Variants in ALG5 observed in about 807,000 individuals in gnomAD.
ALG5 encodes dolichyl-phosphate beta-glucosyltransferase.
In ALG5, 26 loss-of-function variants were observed where a neutral mutation model predicts 51.8. That is an observed-to-expected ratio of 0.50 (90% confidence interval 0.37 to 0.70). The LOEUF (loss-of-function observed/expected upper bound fraction) is 0.70. ALG5 is among the 30% of genes least tolerant of loss of function. The pLI is 0.00. For synonymous variants in ALG5, 141 were observed against 136.1 expected, an observed-to-expected ratio of 1.04 and a Z score of -0.25; for missense variants, 311 against 399.3, an observed-to-expected ratio of 0.78 and a Z score of 1.88.
rs569098965 is a variant in ALG5, at chr13:36,959,607, C to A, written c.773+5968G>T. 5.3e-5 allele frequency among the ~76,000 whole-genome samples: 8 copies of A among 152,050 alleles called. 1 individual carries two copies. The East Asian group carries it at 1.4e-3, about 26-fold the overall frequency. ...TCCAAAAGGGGGTGGAAACAACATG[C>A]GAAGAGTCAAGATTCAGAATTGGAC... On this transcript the variant is annotated intron_variant, in intron 8 of 9. Transcript: ENST00000239891.
At chr13:36,951,690 A>G (rs1461695917) in intron 9 of ALG5, among the ~76,000 whole-genome samples, 1 of 152,248 alleles carries the variant, frequency 6.6e-6, no homozygotes, top group Non-Finnish European at 1.5e-5. Context: ...ATTTCAAGTT[A>G]TTATAGAGTT....
Position 36,969,101 on chromosome 13 carries a change from C to T in ALG5, c.621+2876G>A, listed in dbSNP as rs115121955. On this transcript the variant is annotated intron_variant, in intron 7 of 9. Coordinates refer to ENST00000239891, the MANE Select transcript of ALG5 (RefSeq NM_013338.5). ...ATGAATTATAAATATGTGGTTCCTG[C>T]GATTGATCCCTTGATACCTGGCTAA... Among the ~76,000 whole-genome samples, 971 of 152,202 alleles carry T rather than the reference C, an allele frequency of 6.4e-3. 11 individuals carry two copies. The highest frequency in any genetic ancestry group is 0.022 in the African/African-American group (899 of 41,512).
rs1372098228 is a variant in ALG5 at position 36,995,412 on chromosome 13, A to C, written c.238+13T>G. 1 of 1,590,262 alleles carries C rather than the reference A, an allele frequency of 6.3e-7. No homozygotes were observed. Among genetic ancestry groups the C allele is most frequent in the East Asian group, 2.2e-5 (1 of 44,740 alleles). ...AAACTACCCTTTACCAAAAAAATCA[A>C]AACAGGGCTTACACCGTTTTTCTTC... On this transcript the variant is annotated intron_variant, in intron 2 of 9. Coordinates refer to ENST00000239891, the MANE Select transcript of ALG5 (RefSeq NM_013338.5).
At chr13:36,991,090 C>T (rs189158674) in intron 4 of ALG5, among the ~76,000 whole-genome samples, 1 of 152,268 alleles carries the variant, frequency 6.6e-6, no homozygotes, top group East Asian at 1.9e-4. Flanking sequence ...CAGCCTTCAC[C>T]TTTTTAGCCA....
intron 3 of ALG5, among the ~76,000 whole-genome samples, chr13:36,994,103 A>T (rs914151186): frequency 6.6e-6 from 1 of 152,186 alleles, no homozygotes; most frequent in Non-Finnish European, 1.5e-5. Context: ...TTTTCTGATT[A>T]AAAAAAGAGA....
chr13:36,982,405 A>G (rs1024527199), intron 6 of ALG5, among the ~76,000 whole-genome samples: 1 of 152,242 alleles, frequency 6.6e-6, no homozygotes, highest in African/African-American at 2.4e-5. Flanking sequence ...TATTGGATAA[A>G]TGATTAAATT....
intron 6 of ALG5, among the ~76,000 whole-genome samples, chr13:36,978,127 C>A (rs908019203): frequency 6.6e-6 from 1 of 150,402 alleles, no homozygotes; most frequent in Non-Finnish European, 1.5e-5. Context: ...ACCTCATGAT[C>A]CACCCGCCTC....
intron 6 of ALG5, among the ~76,000 whole-genome samples, chr13:36,976,447 A>AAAAG (rs2058951589): frequency 6.8e-6 from 1 of 147,848 alleles, no homozygotes; most frequent in African/African-American, 2.5e-5. Context: ...AAAAAAAAAA[A>AAAAG]AAAGAAAAGA....
chr13:36,951,006 T>C (rs1240076378), intron 9 of ALG5, among the ~76,000 whole-genome samples: 1 of 152,206 alleles, frequency 6.6e-6, no homozygotes, highest in Admixed American at 6.5e-5. Flanking sequence ...CCTTTTTCAC[T>C]GCTCTGAATT....
chr13:36,975,202 ACT>A (rs1157845193), intron 6 of ALG5, among the ~76,000 whole-genome samples: 3 of 152,078 alleles, frequency 2.0e-5, no homozygotes, highest in African/African-American at 4.8e-5. Context: ...CAAGAGTAAA[ACT>A]CTGTCTAAAA....
intron 8 of ALG5, among the ~76,000 whole-genome samples, chr13:36,962,769 C>T (rs2058873755): frequency 6.6e-6 from 1 of 152,176 alleles, no homozygotes; most frequent in African/African-American, 2.4e-5. Context: ...AATACAACAG[C>T]CCCTCAGCAC....
chr13:36,968,627 T>A (rs1456341249), intron 7 of ALG5, among the ~76,000 whole-genome samples: 1 of 152,216 alleles, frequency 6.6e-6, no homozygotes, highest in Non-Finnish European at 1.5e-5. Flanking sequence ...GTAGAATAAT[T>A]GAGAAATGTA....
chr13:36,957,918 AC>A (rs1375593431), intron 8 of ALG5, among the ~76,000 whole-genome samples: 2 of 151,548 alleles, frequency 1.3e-5, no homozygotes, highest in Non-Finnish European at 2.9e-5. Flanking sequence ...CCTGGGAAGG[AC>A]TCTATCCAGT....
intron 8 of ALG5, among the ~76,000 whole-genome samples, chr13:36,964,744 G>T (rs184110689): frequency 2.0e-5 from 3 of 152,194 alleles, no homozygotes. Flanking sequence ...GGCCAACATG[G>T]TGAAACCTCA....
intron 6 of ALG5, among the ~76,000 whole-genome samples, chr13:36,972,772 C>T (rs755190669): frequency 5.3e-4 from 80 of 152,140 alleles, no homozygotes; most frequent in Non-Finnish European, 8.2e-4. Flanking sequence ...GAGGGCAGAT[C>T]ACGAGGTCAG....
chr13:36,961,151 C>T (rs769804164), intron 8 of ALG5, among the ~76,000 whole-genome samples: 6 of 151,994 alleles, frequency 3.9e-5, no homozygotes, highest in Non-Finnish European at 7.4e-5. Context: ...TGCGGTGGCT[C>T]ATGCCTGTAA....
intron 6 of ALG5, among the ~76,000 whole-genome samples, chr13:36,979,677 T>A (rs2058970479): frequency 6.6e-6 from 1 of 152,168 alleles, no homozygotes; most frequent in Admixed American, 6.5e-5. Flanking sequence ...TTTCTCCGTA[T>A]CTTTTTCATA....
intron 8 of ALG5, among the ~76,000 whole-genome samples, chr13:36,960,930 C>CCA (rs2058863535): frequency 1.3e-5 from 2 of 151,798 alleles, no homozygotes; most frequent in African/African-American, 4.8e-5. Flanking sequence ...TAGGTGTGAA[C>CCA]CACTACACCT....
At chr13:36,994,442 G>A (rs559173593) in intron 3 of ALG5, among the ~76,000 whole-genome samples, 27 of 152,078 alleles carry the variant, frequency 1.8e-4, no homozygotes, top group Admixed American at 6.5e-5. Context: ...GGGAAAACAG[G>A]AAGAAAATGT....
Sources: allele counts gnomAD v4.1 joint callset (sites outside exome capture counted in the v4.1 genomes callset), GRCh38; gene constraint gnomAD v4.1.1; transcripts MANE v1.5; gene names NCBI Gene and HGNC (gene_info 2026-07-23, HGNC 2026-07-21).